The following ARHGAP21 variants were observed in gnomAD, a reference collection of about 807,000 sequenced individuals.
ARHGAP21 encodes rho GTPase-activating protein 21.
A neutral mutation model predicts 164.6 loss-of-function variants in ARHGAP21; 38 were observed. The observed-to-expected ratio is 0.23, with a 90% CI of 0.18 to 0.30. The LOEUF (loss-of-function observed/expected upper bound fraction) is 0.30. Ranked by LOEUF, ARHGAP21 falls within the 10% of genes least tolerant of loss-of-function variation. ARHGAP21 has a pLI of 1.00. For synonymous variants in ARHGAP21, 766 were observed against 857.9 expected (o/e 0.89, Z 1.87); for missense variants, 1,822 against 2,370.7 (o/e 0.77, Z 4.81).
chr10:24,649,324 G>A (rs1324716856), intron 4 of ARHGAP21, among the ~76,000 whole-genome samples: 1 of 152,030 alleles, frequency 6.6e-6, no homozygotes, highest in Non-Finnish European at 1.5e-5. Flanking sequence ...TATATGCCCA[G>A]GCCACTGAAC....
chr10:24,617,297 T>G (rs1834047103), intron 9 of ARHGAP21, among the ~76,000 whole-genome samples: 1 of 152,216 alleles, frequency 6.6e-6, no homozygotes, highest in Non-Finnish European at 1.5e-5. Context: ...ATTTTTTTAC[T>G]ACTCCAATGT....
At chr10:24,613,892 C>G (rs1229459308) in intron 9 of ARHGAP21, among the ~76,000 whole-genome samples, 1 of 147,798 alleles carries the variant, frequency 6.8e-6, no homozygotes, top group African/African-American at 2.7e-5. Flanking sequence ...GTTACAATTA[C>G]TTGGCTGAAT....
chr10:24,667,459 T>A (rs192026088), intron 3 of ARHGAP21, among the ~76,000 whole-genome samples: 3 of 152,316 alleles, frequency 2.0e-5, no homozygotes, highest in African/African-American at 7.2e-5. Flanking sequence ...CAGAGCTGTC[T>A]ATATAAATGG....
chr10:24,633,378 GT>G, intron 6 of ARHGAP21, 23 bp downstream of exon 6: 1 of 1,527,874 alleles, frequency 6.5e-7, no homozygotes. Flanking sequence ...CCATCTTTGG[GT>G]TTTAATGTTT....
At chr10:24,716,210 T>C (rs1034922710) in intron 2 of ARHGAP21, among the ~76,000 whole-genome samples, 1 of 152,198 alleles carries the variant, frequency 6.6e-6, no homozygotes, top group African/African-American at 2.4e-5. Context: ...GCGTTCTAGA[T>C]ATATTACCTG....
At chr10:24,656,339 T>G (rs1171194261) in intron 4 of ARHGAP21, among the ~76,000 whole-genome samples, 2 of 67,218 alleles carry the variant, frequency 3.0e-5, no homozygotes, top group Admixed American at 1.3e-4. Flanking sequence ...GGGAGGGAGA[T>G]GGGGGGGTCA....
chr10:24,609,064 T>C (rs1258908155), intron 9 of ARHGAP21, among the ~76,000 whole-genome samples: 1 of 152,212 alleles, frequency 6.6e-6, no homozygotes, highest in African/African-American at 2.4e-5. Context: ...TTATAGAGTC[T>C]GCTGATCCAT....
chr10:24,698,735 C>T (rs1282832357), intron 2 of ARHGAP21, among the ~76,000 whole-genome samples: 2 of 152,188 alleles, frequency 1.3e-5, no homozygotes, highest in Non-Finnish European at 2.9e-5. Flanking sequence ...TATTAACCAT[C>T]AATGTGAACT....
rs1459988910 is a variant in ARHGAP21 at position 24,654,908 on chromosome 10, G to C, written c.268+12077C>G. 2.0e-5 allele frequency among the ~76,000 whole-genome samples: 3 copies of C among 152,296 alleles called. No homozygotes were observed. The East Asian group carries it at 5.8e-4, about 29-fold the overall frequency. ...CAGTAACCAAAACAGCATGGTACTG[G>C]TACCAAAACAGAGATATAGATCAAT... On this transcript the variant is annotated intron_variant, in intron 4 of 25. Transcript: ENST00000396432.
chr10:24,704,860 T>C (rs1486805866), intron 2 of ARHGAP21, among the ~76,000 whole-genome samples: 1 of 152,146 alleles, frequency 6.6e-6, no homozygotes, highest in Non-Finnish European at 1.5e-5. Flanking sequence ...CCCAAGGTGC[T>C]GGTATTACAG....
chr10:24,721,515 C>CG (rs1440291129), intron 2 of ARHGAP21, among the ~76,000 whole-genome samples: 6 of 152,196 alleles, frequency 3.9e-5, no homozygotes, highest in Non-Finnish European at 7.3e-5. Context: ...TGAAGGAAAA[C>CG]GGATACTGAG....
intron 11 of ARHGAP21, among the ~76,000 whole-genome samples, chr10:24,606,374 A>T (rs1461691833): frequency 6.6e-6 from 1 of 152,336 alleles, no homozygotes; most frequent in Non-Finnish European, 1.5e-5. Context: ...GTCAAAAAAT[A>T]TAAAAAATCA....
intron 2 of ARHGAP21, among the ~76,000 whole-genome samples, chr10:24,697,952 T>G (rs529110091): frequency 4.6e-5 from 7 of 152,346 alleles, no homozygotes; most frequent in African/African-American, 1.7e-4. Context: ...TCATATGTAC[T>G]GCATTTGGGG....
Position 24,721,821 on chromosome 10 carries a change from C to T in ARHGAP21, c.63+16G>A, listed in dbSNP as rs1464598823. On this transcript the variant is annotated intron_variant, in intron 2 of 25. Transcript: ENST00000396432. ...GCCACCGCCCTGCCGGCCAGGAACG[C>T]TGGCTCCGCGCTTACCTCGCAGGCC... The T allele has an allele frequency of 6.2e-7, 1 of 1,614,054 alleles. No homozygotes were observed. The highest frequency in any genetic ancestry group is 8.5e-7 in the Non-Finnish European group (1 of 1,179,966).
At chr10:24,688,507 T>C (rs988895391) in intron 2 of ARHGAP21, among the ~76,000 whole-genome samples, 20 of 152,288 alleles carry the variant, frequency 1.3e-4, no homozygotes, top group Admixed American at 7.8e-4. Context: ...AAACTATGCA[T>C]TAGGGTCCAA....
chr10:24,623,435 G>C (rs1310655477), intron 7 of ARHGAP21, among the ~76,000 whole-genome samples: 3 of 152,156 alleles, frequency 2.0e-5, no homozygotes, highest in East Asian at 3.8e-4. Flanking sequence ...ACAGAGACTA[G>C]AATGCAGTGA....
At position 24,585,917 on chromosome 10, in the gene ARHGAP21, ACTC is replaced by A. The variant is rs769816744; in HGVS notation, c.4369_4371del (p.Glu1457del). 1.4e-5 allele frequency: 22 copies of A among 1,612,930 alleles called. No homozygotes were observed. In the African/African-American group the frequency reaches 2.6e-4, roughly 19 times the overall value. On this transcript the variant is annotated inframe_deletion, in exon 26 of 26. Coordinates refer to ENST00000396432, the MANE Select transcript of ARHGAP21 (RefSeq NM_020824.4). ...CCCAGTGTCTCACTTTCTTTTTTGG[ACTC>A]CTCTTTAGTATCATTGTGACACTGT...
intron 2 of ARHGAP21, among the ~76,000 whole-genome samples, chr10:24,700,206 G>A (rs1359971163): frequency 6.6e-6 from 1 of 152,192 alleles, no homozygotes; most frequent in Admixed American, 6.5e-5. Context: ...AATGCCCGTT[G>A]TGTCCCTGCA....
intron 4 of ARHGAP21, among the ~76,000 whole-genome samples, chr10:24,644,060 T>C (rs773407288): frequency 3.5e-4 from 53 of 152,068 alleles, no homozygotes; most frequent in Non-Finnish European, 1.0e-4. Context: ...TTCCTCACAC[T>C]AGTTCAATAA....
Sources: gnomAD v4.1 joint callset for allele counts (sites outside exome capture counted in the v4.1 genomes callset) on GRCh38, gnomAD v4.1.1 for gene constraint, MANE v1.5 for transcripts, NCBI Gene and HGNC (gene_info 2026-07-23, HGNC 2026-07-21) for gene names.